KIAA1217: variants seen among roughly 807,000 people sequenced by gnomAD.
The protein encoded by KIAA1217 is KIAA1217.
In KIAA1217, 88 loss-of-function variants were observed where a neutral mutation model predicts 163.9. The ratio of observed to expected loss-of-function variants is 0.54; its 90% CI spans 0.45 to 0.64. The LOEUF (loss-of-function observed/expected upper bound fraction) is 0.64. Among genes scored for constraint, KIAA1217 ranks in the 30% least tolerant of loss-of-function variants. KIAA1217 has a pLI of 0.00. For missense variants in KIAA1217, 2,372 were observed against 2,475.0 expected, an observed-to-expected ratio of 0.96 and a Z score of 0.88; for synonymous variants, 903 against 923.1, an observed-to-expected ratio of 0.98 and a Z score of 0.39.
At chr10:24,364,269 G>A (rs1013401818) in intron 2 of KIAA1217, among the ~76,000 whole-genome samples, 18 of 152,068 alleles carry the variant, frequency 1.2e-4, no homozygotes, top group Admixed American at 3.9e-4. Flanking sequence ...GTGAGCCACC[G>A]CACCCAGCCA....
chr10:23,964,201 C>T (rs1225454173), intron 1 of KIAA1217, among the ~76,000 whole-genome samples: 5 of 151,788 alleles, frequency 3.3e-5, no homozygotes, highest in Non-Finnish European at 5.9e-5. Flanking sequence ...TGTGCCTGGC[C>T]GATGAGCTGT....
At chr10:23,780,071 C>A (rs894390181) in intron 1 of KIAA1217, among the ~76,000 whole-genome samples, 3 of 152,090 alleles carry the variant, frequency 2.0e-5, no homozygotes, top group Non-Finnish European at 4.4e-5. Context: ...CACACTGTAG[C>A]CCCGGCATTA....
intron 1 of KIAA1217, among the ~76,000 whole-genome samples, chr10:23,892,598 G>A (rs77334906): frequency 0.019 from 2,949 of 151,978 alleles, 100 homozygotes; most frequent in African/African-American, 0.065. Context: ...CATGCATTAA[G>A]TATCAGCTGT....
chr10:23,723,521 G>A (rs1837975269), intron 1 of KIAA1217, among the ~76,000 whole-genome samples: 1 of 152,114 alleles, frequency 6.6e-6, no homozygotes, highest in Admixed American at 6.6e-5. Context: ...CATGCATCTT[G>A]GATCACCACT....
At chr10:24,160,946 A>C (rs2065090674) in intron 2 of KIAA1217, among the ~76,000 whole-genome samples, 1 of 152,182 alleles carries the variant, frequency 6.6e-6, no homozygotes, top group Non-Finnish European at 1.5e-5. Flanking sequence ...CTAGGCCCCT[A>C]CAAGTCTATA....
chr10:24,521,042 G>GT (rs35646554), intron 11 of KIAA1217, among the ~76,000 whole-genome samples: 7,043 of 111,372 alleles, frequency 0.063, 615 homozygotes, highest in African/African-American at 0.18. Context: ...AAAAAAAAAA[G>GT]TTTTTTTTTT....
At chr10:24,204,212 A>AGGTGC (rs2130543836), upstream of KIAA1217, among the ~76,000 whole-genome samples, 1 of 152,300 alleles carries the variant, frequency 6.6e-6, no homozygotes, top group Non-Finnish European at 1.5e-5. Context: ...TGGGCACCTC[A>AGGTGC]CTTATTGTCT....
chr10:24,545,665 C>T (rs1289029021), intron 20 of KIAA1217, 162 bp from the exon 21 acceptor site: 10 of 1,430,324 alleles, frequency 7.0e-6, no homozygotes, highest in Admixed American at 3.1e-5. Flanking sequence ...GGGTTTCTAC[C>T]AGGTCCAGTA....
intron 1 of KIAA1217, among the ~76,000 whole-genome samples, chr10:23,872,335 A>C (rs1384510165): frequency 1.3e-5 from 2 of 152,096 alleles, no homozygotes. Flanking sequence ...AAGAAGTTTA[A>C]ACATTACTGC....
chr10:23,747,146 C>T (rs75841529), intron 1 of KIAA1217, among the ~76,000 whole-genome samples: 1,946 of 152,046 alleles, frequency 0.013, 38 homozygotes, highest in African/African-American at 0.045. Context: ...CTCAGAGGAA[C>T]GTAATCTGAT....
At chr10:23,733,091 G>T (rs1013395933) in intron 1 of KIAA1217, among the ~76,000 whole-genome samples, 1 of 151,764 alleles carries the variant, frequency 6.6e-6, no homozygotes, top group Non-Finnish European at 1.5e-5. Flanking sequence ...TCAGTTCACA[G>T]CACCATTCAC....
At chr10:24,118,315 C>T (rs1230143826) in intron 2 of KIAA1217, among the ~76,000 whole-genome samples, 1 of 152,102 alleles carries the variant, frequency 6.6e-6, no homozygotes, top group Non-Finnish European at 1.5e-5. Context: ...CACTTGCTTT[C>T]GGTGGAGTTA....
intron 5 of KIAA1217, among the ~76,000 whole-genome samples, chr10:24,465,021 G>A (rs1251432690): frequency 1.3e-5 from 2 of 152,116 alleles, no homozygotes. Flanking sequence ...ATGTGATAGG[G>A]GCGGCATCGT....
At chr10:24,140,480 A>G (rs903235524) in intron 2 of KIAA1217, among the ~76,000 whole-genome samples, 2 of 152,110 alleles carry the variant, frequency 1.3e-5, no homozygotes, top group African/African-American at 4.8e-5. Context: ...CCCAAGCACT[A>G]TGGTACCTAT....
chr10:23,790,596 C>CATATGTATATATACATATGTAT (rs1249554785), intron 1 of KIAA1217, among the ~76,000 whole-genome samples: 9 of 108,788 alleles, frequency 8.3e-5, no homozygotes, highest in Admixed American at 6.5e-4. Context: ...TACATATATA[C>CATATGTATATATACATATGTAT]ATGTACATAT....
chr10:24,545,134 G>T, intron 20 of KIAA1217, 31 bp downstream of exon 20: 1 of 1,613,388 alleles, frequency 6.2e-7, no homozygotes, highest in Non-Finnish European at 8.5e-7. Context: ...CTTTTGGATG[G>T]ACGCTATTTC....
chr10:23,748,690 C>G (rs1839561761), intron 1 of KIAA1217, among the ~76,000 whole-genome samples: 2 of 151,948 alleles, frequency 1.3e-5, no homozygotes. Context: ...GGGTTGAGAC[C>G]CCTCTATTTT....
chr10:24,398,049 C>A (rs964853239), intron 3 of KIAA1217, among the ~76,000 whole-genome samples: 2 of 152,158 alleles, frequency 1.3e-5, no homozygotes, highest in African/African-American at 4.8e-5. Flanking sequence ...CGCTGACTCC[C>A]CATGCAGTTG....
intron 2 of KIAA1217, among the ~76,000 whole-genome samples, chr10:24,046,188 G>C (rs1260031362): frequency 4.6e-5 from 7 of 151,904 alleles, no homozygotes; most frequent in Non-Finnish European, 8.8e-5. Context: ...CTTCAACCTT[G>C]GTTTGAAAAA....
Sources: allele counts gnomAD v4.1 joint callset (sites outside exome capture counted in the v4.1 genomes callset), GRCh38; gene constraint gnomAD v4.1.1; transcripts MANE v1.5; gene names NCBI Gene and HGNC (gene_info 2026-07-23, HGNC 2026-07-21).